NLRC5: variants seen among roughly 807,000 people sequenced by gnomAD.
NLRC5 encodes NLR family CARD domain containing 5, also known as protein NLRC5.
Under a neutral mutation model 206.9 loss-of-function variants are expected in NLRC5, and 114 were observed. The observed-to-expected ratio is 0.55, with a 90% CI of 0.47 to 0.64. The LOEUF is 0.64. NLRC5 is among the 30% of genes least tolerant of loss of function. The pLI is 0.00. For missense variants in NLRC5, 2,008 were observed against 2,305.5 expected (o/e 0.87, Z 2.64); for synonymous variants, 952 against 962.8 (o/e 0.99, Z 0.21).
chr16:56,992,432 T>C (rs1455539592), intron 1 of NLRC5: 1 of 152,138 alleles, frequency 6.6e-6, no homozygotes, highest in East Asian at 1.9e-4. Context: ...TGAGCCAGAT[T>C]TGTTTGCCAG....
At chr16:57,045,549 TG>T in intron 21 of NLRC5, 57 bp downstream of exon 21, 2 of 1,561,234 alleles carry the variant, frequency 1.3e-6, no homozygotes, top group Admixed American at 3.4e-5. Flanking sequence ...CCCCGTCTGT[TG>T]GAGGTCCCCC....
At position 57,055,876 on chromosome 16, in the gene NLRC5, C is replaced by T. The variant is rs562209486; in HGVS notation, c.3746+357C>T. Among the ~76,000 whole-genome samples the T allele has an allele frequency of 1.2e-4, 18 of 152,296 alleles. No homozygotes were observed. In the South Asian group the frequency reaches 3.7e-3, roughly 32 times the overall value. ...GGATGACTCTGCCTGAGGAGGGACG[C>T]AGAGCCAGCCAGGGTGGGGTCTTGC... On this transcript the variant is annotated intron_variant, in intron 27 of 48. Transcript: ENST00000688547.
chr16:57,030,490 AGATG>A (rs199777672), intron 10 of NLRC5, among the ~76,000 whole-genome samples: 63 of 97,030 alleles, frequency 6.5e-4, no homozygotes, highest in Middle Eastern at 6.8e-3. Context: ...GTGGATGAAA[AGATG>A]GATGGATGGA....
intron 1 of NLRC5, among the ~76,000 whole-genome samples, chr16:57,015,945 A>AAAAAAAAAAAAAAG: frequency 1.8e-5 from 1 of 55,658 alleles, no homozygotes; most frequent in East Asian, 4.7e-4. Flanking sequence ...AAAAAAAAAA[A>AAAAAAAAAAAAAAG]AAAGAAAGAA....
intron 1 of NLRC5, among the ~76,000 whole-genome samples, chr16:56,995,398 G>A (rs996200886): frequency 5.3e-5 from 8 of 152,234 alleles, no homozygotes; most frequent in South Asian, 2.1e-4. Flanking sequence ...GAACATCCTC[G>A]TAGCTAGAGC....
At chr16:56,998,367 G>A (rs191578169) in intron 1 of NLRC5, among the ~76,000 whole-genome samples, 2 of 152,138 alleles carry the variant, frequency 1.3e-5, no homozygotes, top group Admixed American at 6.5e-5. Context: ...ACCCCTATTT[G>A]ATATGTTTCC....
intron 1 of NLRC5, among the ~76,000 whole-genome samples, chr16:57,008,598 GC>G (rs1422130604): frequency 6.6e-6 from 1 of 152,128 alleles, no homozygotes; most frequent in Non-Finnish European, 1.5e-5. Flanking sequence ...ACAGTGTAAT[GC>G]ACAAAAACTA....
chr16:57,080,590 T>G (rs2069011064), intron 46 of NLRC5, among the ~76,000 whole-genome samples: 1 of 148,664 alleles, frequency 6.7e-6, no homozygotes, highest in African/African-American at 2.5e-5. Context: ...GTTCAAGAGA[T>G]TCTCCTGCCT....
At chr16:57,033,434 T>C (rs1191648656) in intron 11 of NLRC5, among the ~76,000 whole-genome samples, 170 bp from the exon 12 acceptor site, 2 of 152,208 alleles carry the variant, frequency 1.3e-5, no homozygotes, top group African/African-American at 4.8e-5. Flanking sequence ...CTGTTGCCCC[T>C]CCTGCTCTGC....
At chr16:57,019,253 T>A (rs1334981064) in intron 2 of NLRC5, among the ~76,000 whole-genome samples, 2 of 152,102 alleles carry the variant, frequency 1.3e-5, no homozygotes, top group African/African-American at 4.8e-5. Flanking sequence ...AAAAATTAGC[T>A]GGGCATTGTG....
rs149835370 is a variant in NLRC5 at position 57,025,747 on chromosome 16, G to C, written c.804G>C (p.Thr268=). The change falls in exon 6 of 49, where the codon ACG becomes ACC. Residue 268 remains threonine (T), a synonymous_variant. Transcript: ENST00000688547. ...AATTCCGCCAGCTCAACTTGATCAC[G>C]AGGTTCCTGACACCGTCCGAGCTCC... ...LFEFRQLNLI[T]RFLTPSELLF... 6 of 1,614,090 alleles carry C rather than the reference G, an allele frequency of 3.7e-6. No individual in the cohort carries two copies. The highest frequency in any genetic ancestry group is 5.1e-6 in the Non-Finnish European group (6 of 1,180,028).
At chr16:57,077,430 T>C in intron 41 of NLRC5, 51 bp downstream of exon 41, 1 of 1,505,736 alleles carries the variant, frequency 6.6e-7, no homozygotes, top group Non-Finnish European at 9.2e-7. Flanking sequence ...ACGATGGTCC[T>C]AGGAGATACT....
intron 1 of NLRC5, among the ~76,000 whole-genome samples, chr16:57,005,597 A>G (rs960052847): frequency 6.6e-6 from 1 of 151,938 alleles, no homozygotes; most frequent in Non-Finnish European, 1.5e-5. Flanking sequence ...TTAAAACTTA[A>G]TTTTCATTAG....
chr16:57,030,130 G>C, intron 10 of NLRC5, 46 bp downstream of exon 10: 8 of 1,505,846 alleles, frequency 5.3e-6, no homozygotes, highest in Non-Finnish European at 7.4e-6. Flanking sequence ...CTTGAGAAAA[G>C]AGGAGGGGAA....
At chr16:57,035,960 G>C (rs2062513017) in intron 13 of NLRC5, 140 bp from the exon 14 acceptor site, 1 of 732,252 alleles carries the variant, frequency 1.4e-6, no homozygotes, top group Non-Finnish European at 2.3e-6. Context: ...ATGTGGTATG[G>C]AGTCTGTCGA....
At chr16:57,013,510 T>C in intron 1 of NLRC5, 1 of 787,740 alleles carries the variant, frequency 1.3e-6, no homozygotes, top group South Asian at 1.4e-5. Context: ...CATTGGCTGC[T>C]TGTGCTTTCA....
At chr16:57,052,791 TGCCCG>T (rs1240266669) in intron 24 of NLRC5, 2 of 152,178 alleles carry the variant, frequency 1.3e-5, no homozygotes, top group Non-Finnish European at 2.9e-5. Flanking sequence ...AGTCCCACCC[TGCCCG>T]GAGATAATGA....
chr16:57,025,218 C>T, intron 5 of NLRC5, 150 bp from the exon 6 acceptor site: 2 of 1,355,350 alleles, frequency 1.5e-6, no homozygotes, highest in Non-Finnish European at 9.7e-7. Flanking sequence ...GGCACAGATC[C>T]CCCTATGGTG....
At position 57,025,567 on chromosome 16, in the gene NLRC5, C is replaced by T. The variant is rs778392018; in HGVS notation, c.624C>T (p.Ser208=). The change falls in exon 6 of 49, where the codon AGC becomes AGT. Residue 208 remains serine (S), a synonymous_variant. Coordinates refer to ENST00000688547, the MANE Select transcript of NLRC5 (RefSeq NM_001384950.1). ...AGGTGGAAGATGGTGCTGACGTGAG[C>T]ATCTCGGACCTCTTCAACACCAGGG... ...DVKVEDGADV[S]ISDLFNTRVN... 1 of 1,613,918 alleles carries T rather than the reference C, an allele frequency of 6.2e-7. No individual in the cohort carries two copies. Among genetic ancestry groups the T allele is most frequent in the East Asian group, 2.2e-5 (1 of 44,850 alleles).
Sources: allele counts gnomAD v4.1 joint callset (sites outside exome capture counted in the v4.1 genomes callset), GRCh38; gene constraint gnomAD v4.1.1; transcripts MANE v1.5; gene names NCBI Gene and HGNC (gene_info 2026-07-23, HGNC 2026-07-21).